EYS: variants seen among roughly 807,000 people sequenced by gnomAD.
EYS encodes the protein EGF-like photoreceptor maintenance factor.
Under a neutral mutation model 282.1 loss-of-function variants are expected in EYS, and 250 were observed. The ratio of observed to expected loss-of-function variants is 0.89; its 90% CI spans 0.80 to 0.98. EYS has a LOEUF of 0.98. EYS is among the 50% of genes least tolerant of loss of function. The pLI, the probability that EYS is intolerant of heterozygous loss-of-function variation, is 0.00. For missense variants in EYS, 4,016 were observed against 3,709.0 expected (o/e 1.08, Z -2.15); for synonymous variants, 1,355 against 1,282.9 (o/e 1.06, Z -1.20).
chr6:63,918,404 TTTGACCATTAG>T (rs994576358), intron 35 of EYS, among the ~76,000 whole-genome samples: 1 of 152,234 alleles, frequency 6.6e-6, no homozygotes, highest in Admixed American at 6.5e-5. Flanking sequence ...TTCTTGCTTC[TTTGACCATTAG>T]TTCAATTCCA....
At position 65,423,802 on chromosome 6, in the gene EYS, A is replaced by G. The variant is rs140107797; in HGVS notation, c.863-18435T>C. ...TTCTTTCATAATATTTTCCTGAGAA[A>G]TTTACTTAAGATATTTTATCTCTCT... On this transcript the variant is annotated intron_variant, in intron 5 of 42. Transcript: ENST00000503581. Among the ~76,000 whole-genome samples the G allele has an allele frequency of 2.6e-4, 39 of 152,016 alleles. No homozygotes were observed. The East Asian group carries it at 7.4e-3, about 29-fold the overall frequency.
intron 41 of EYS, among the ~76,000 whole-genome samples, chr6:63,734,803 G>A (rs1768868654): frequency 6.6e-6 from 1 of 152,104 alleles, no homozygotes. Context: ...GTTCAAGGTG[G>A]TGGTTTAGTA....
chr6:65,703,368 A>C (rs1183109736), intron 1 of EYS, among the ~76,000 whole-genome samples: 2 of 152,184 alleles, frequency 1.3e-5, no homozygotes, highest in African/African-American at 4.8e-5. Context: ...TATGTGAGCA[A>C]TAATTCTTTT....
intron 26 of EYS, among the ~76,000 whole-genome samples, chr6:64,482,699 C>T (rs181439961): frequency 2.6e-5 from 4 of 151,812 alleles, no homozygotes; most frequent in Admixed American, 2.6e-4. Flanking sequence ...TATGACAACA[C>T]AGAAATTGTA....
Position 64,727,903 on chromosome 6 carries a change from C to T in EYS, c.3443+85475G>A, listed in dbSNP as rs183350111. Reference sequence around the variant, plus strand: ...AACAACCTACCTAGGTACCATGATTCCTGTCAGCTACATCATCACTTCTAA... The same window carrying T: ...AACAACCTACCTAGGTACCATGATTTCTGTCAGCTACATCATCACTTCTAA... On this transcript the variant is annotated intron_variant, in intron 22 of 42. Coordinates refer to ENST00000503581, the MANE Select transcript of EYS (RefSeq NM_001142800.2). Among the ~76,000 whole-genome samples the T allele has an allele frequency of 4.7e-4, 72 of 152,322 alleles. 2 individuals are homozygous for T. In the East Asian group the frequency reaches 0.014, roughly 29 times the overall value.
At chr6:65,632,959 T>A (rs1316454563) in intron 2 of EYS, among the ~76,000 whole-genome samples, 5 of 152,184 alleles carry the variant, frequency 3.3e-5, no homozygotes, top group Admixed American at 1.3e-4. Flanking sequence ...GTAGCTTATG[T>A]AATTAATAAA....
intron 13 of EYS, among the ~76,000 whole-genome samples, chr6:65,005,924 C>A (rs1262684578): frequency 1.3e-5 from 2 of 152,288 alleles, no homozygotes; most frequent in Admixed American, 1.3e-4. Context: ...AAGTGTAGCC[C>A]CAAAATTCTC....
intron 2 of EYS, among the ~76,000 whole-genome samples, chr6:65,620,764 A>G (rs1399313732): frequency 5.3e-5 from 8 of 151,404 alleles, no homozygotes; most frequent in Non-Finnish European, 1.2e-4. Flanking sequence ...CTTTGTTCTC[A>G]TTGGTTTCAA....
chr6:64,365,737 A>AT (rs1474049375), intron 29 of EYS, among the ~76,000 whole-genome samples: 1 of 152,056 alleles, frequency 6.6e-6, no homozygotes, highest in African/African-American at 2.4e-5. Context: ...TAAAATATTA[A>AT]TAACAATAGT....
At chr6:65,407,629 C>T (rs1582252762) in intron 5 of EYS, among the ~76,000 whole-genome samples, 2 of 151,974 alleles carry the variant, frequency 1.3e-5, no homozygotes, top group South Asian at 4.2e-4. Context: ...ACGGTATAAA[C>T]CCATTTACTA....
chr6:64,317,785 C>T (rs568491355), intron 29 of EYS, among the ~76,000 whole-genome samples: 40 of 152,070 alleles, frequency 2.6e-4, no homozygotes, highest in African/African-American at 9.4e-4. Flanking sequence ...AACCCAAATG[C>T]CCATGAATGA....
intron 26 of EYS, among the ~76,000 whole-genome samples, chr6:64,555,479 A>C (rs531741410): frequency 6.6e-6 from 1 of 152,004 alleles, no homozygotes; most frequent in South Asian, 2.1e-4. Flanking sequence ...AAAATTGCTA[A>C]GAGAGATTAT....
chr6:64,622,496 A>G (rs1767476575), intron 23 of EYS, among the ~76,000 whole-genome samples: 1 of 152,166 alleles, frequency 6.6e-6, no homozygotes, highest in South Asian at 2.1e-4. Context: ...AACAGTATTT[A>G]GTTTTTCAAA....
chr6:64,182,962 C>G (rs375883048), intron 31 of EYS, among the ~76,000 whole-genome samples: 3 of 152,092 alleles, frequency 2.0e-5, no homozygotes, highest in African/African-American at 7.2e-5. Flanking sequence ...TGTCCCCACC[C>G]AAATCTCACC....
chr6:65,159,095 T>C (rs1272585594), intron 12 of EYS, among the ~76,000 whole-genome samples: 2 of 150,936 alleles, frequency 1.3e-5, no homozygotes, highest in Non-Finnish European at 3.0e-5. Context: ...ATCTGTCTTT[T>C]ATGTTGGAAA....
At chr6:65,603,882 T>A (rs1765691841) in intron 2 of EYS, among the ~76,000 whole-genome samples, 1 of 151,976 alleles carries the variant, frequency 6.6e-6, no homozygotes, top group Non-Finnish European at 1.5e-5. Flanking sequence ...GCTCATGTTT[T>A]TTTTGTTTGT....
rs12205437 is a variant in EYS, at chr6:64,469,851, C to T, written c.5645-30499G>A. ...TGCTTCAGTGGTCACGCTCCTAGTC[C>T]GCCTTCACGTTCCATCCTGTACACC... On this transcript the variant is annotated intron_variant, in intron 26 of 42. Transcript: ENST00000503581. Among the ~76,000 whole-genome samples, 723 of 152,270 alleles carry T rather than the reference C, an allele frequency of 4.7e-3. 3 individuals are homozygous for T. The highest frequency in any genetic ancestry group is 8.5e-3 in the Non-Finnish European group (579 of 68,004).
At chr6:64,533,695 G>A (rs1209795717) in intron 26 of EYS, among the ~76,000 whole-genome samples, 2 of 151,880 alleles carry the variant, frequency 1.3e-5, no homozygotes, top group Non-Finnish European at 2.9e-5. Flanking sequence ...AAAAATACTT[G>A]TTTAAGCTAA....
At position 64,464,292 on chromosome 6, in the gene EYS, A is replaced by G. The variant is rs1354651709; in HGVS notation, c.5645-24940T>C. 2.0e-5 allele frequency among the ~76,000 whole-genome samples: 3 copies of G among 152,200 alleles called. No homozygotes were observed. In the East Asian group the frequency reaches 5.8e-4, roughly 29 times the overall value. ...TCTCAGCAAATTACGTATAGAAGGA[A>G]TGCATCTCAAAGCAAAATAAACTAT... On this transcript the variant is annotated intron_variant, in intron 26 of 42. Coordinates refer to ENST00000503581, the MANE Select transcript of EYS (RefSeq NM_001142800.2).
Sources: gnomAD v4.1 joint callset for allele counts (sites outside exome capture counted in the v4.1 genomes callset) on GRCh38, gnomAD v4.1.1 for gene constraint, MANE v1.5 for transcripts, NCBI Gene and HGNC (gene_info 2026-07-23, HGNC 2026-07-21) for gene names.